Variants in OR4N5 observed in about 807,000 individuals in gnomAD.
OR4N5 encodes the protein olfactory receptor 4N5.
For synonymous variants in OR4N5, 155 were observed against 140.6 expected, an observed-to-expected ratio of 1.10 and a Z score of -0.72; for missense variants, 428 against 370.0, an observed-to-expected ratio of 1.16 and a Z score of -1.29.
chr14:20,141,539 T>C (rs1333255039), intron 2 of OR4N5, among the ~76,000 whole-genome samples: 1 of 152,184 alleles, frequency 6.6e-6, no homozygotes, highest in East Asian at 1.9e-4. Context: ...TTCCTAATAG[T>C]CGTGCTGTAA....
chr14:20,144,161 T>C lies in OR4N5; in HGVS notation c.426T>C (p.Tyr142=), dbSNP rs142302477. The C allele has an allele frequency of 2.8e-5, 45 of 1,614,154 alleles. No individual in the cohort carries two copies. In the African/African-American group the frequency reaches 3.6e-4, roughly 13 times the overall value. The part of the protein sequence containing the change: ...YSTIMNPRAC[Y]ALSLVLWLGG... ...CCATCATGAACCCTAGAGCCTGCTA[T>C]GCATTATCGTTGGTTCTGTGGCTTG... The change falls in exon 3 of 3, where the codon TAT becomes TAC. Residue 142 remains tyrosine, a synonymous_variant. Transcript: ENST00000641086.
rs185020945 is a variant in OR4N5, at chr14:20,140,634, C to A, written c.-380-209C>A. On this transcript the variant is annotated intron_variant, in intron 1 of 2. Transcript: ENST00000641086. ...GCTGTTGTGCGGGACAGTATGGGGA[C>A]CCTCTCCACTTATGCATCTTCAGTG... Among the ~76,000 whole-genome samples the A allele has an allele frequency of 3.5e-3, 540 of 152,244 alleles. 2 individuals carry two copies. The highest frequency in any genetic ancestry group is 5.1e-3 in the Non-Finnish European group (345 of 68,010).
chr14:20,144,190 G>A lies in OR4N5; in HGVS notation c.455G>A (p.Gly152Asp), dbSNP rs1878682584. Residue 152 changes from glycine (G) to aspartate (D), a missense_variant, in exon 3 of 3, where the codon GGC (glycine) becomes GAC (aspartate). Physicochemically the swap from Gly to Asp is moderately conservative, Grantham distance 94 (BLOSUM62 -1). Coordinates refer to ENST00000641086, the MANE Select transcript of OR4N5 (RefSeq NM_001004724.2). ...TTATCGTTGGTTCTGTGGCTTGGGGGCTTTATCCATTCCATTGTACAAGTA... is the reference window on the plus strand; with the variant it reads ...TTATCGTTGGTTCTGTGGCTTGGGGACTTTATCCATTCCATTGTACAAGTA... ...YALSLVLWLG[G>D]FIHSIVQVAL... 4.3e-6 allele frequency: 7 copies of A among 1,613,956 alleles called. No homozygotes were observed. Among genetic ancestry groups the A allele is most frequent in the Non-Finnish European group, 5.1e-6 (6 of 1,179,996 alleles).
rs971447244 is a variant in OR4N5 at position 20,140,849 on chromosome 14, A to C, written c.-374A>C. The C allele has an allele frequency of 4.6e-5, 7 of 151,620 alleles. No homozygotes were observed. Among genetic ancestry groups the C allele is most frequent in the Non-Finnish European group, 1.0e-4 (7 of 67,930 alleles). 9.4% of individuals were successfully genotyped at this position (151,620 alleles called of 1,614,324 possible). A position where few individuals can be genotyped will look rare whatever the true frequency, so the allele number is the denominator to read the frequency against. On this transcript the variant is annotated 5_prime_UTR_variant, in exon 2 of 3. Coordinates refer to ENST00000641086, the MANE Select transcript of OR4N5 (RefSeq NM_001004724.2). Reference sequence around the variant, plus strand: ...CTTTGTCTTATCTGACTAGAACAAGAAGTTTGCCCCTGTGAGATCCATTGT... The same window carrying C: ...CTTTGTCTTATCTGACTAGAACAAGCAGTTTGCCCCTGTGAGATCCATTGT...
chr14:20,144,205 T>C lies in OR4N5; in HGVS notation c.470T>C (p.Ile157Thr), dbSNP rs748001755. ...TGGCTTGGGGGCTTTATCCATTCCA[T>C]TGTACAAGTAGCCCTTATCCTGCAC... ...VLWLGGFIHS[I>T]VQVALILHLP... The change falls in exon 3 of 3, where the codon ATT (isoleucine) becomes ACT (threonine). Residue 157 changes from isoleucine (I) to threonine (T), a missense_variant. Physicochemically the swap from Ile to Thr is moderately conservative, Grantham distance 89 (BLOSUM62 -1). Coordinates refer to ENST00000641086, the MANE Select transcript of OR4N5 (RefSeq NM_001004724.2). The C allele has an allele frequency of 6.2e-7, 1 of 1,614,096 alleles. No homozygotes were observed. The highest frequency in any genetic ancestry group is 1.1e-5 in the South Asian group (1 of 91,078).
chr14:20,143,698 A>G (rs368666584), intron 2 of OR4N5, 27 bp from the exon 3 acceptor site: 30 of 1,429,820 alleles, frequency 2.1e-5, no homozygotes, highest in Non-Finnish European at 1.7e-5. Context: ...TATAACAGAT[A>G]ACAATTTGCC....
rs1327200649 is a variant in OR4N5 at position 20,141,177 on chromosome 14, A to C, written c.-46A>C. The C allele has an allele frequency of 6.6e-6, 1 of 152,154 alleles. No homozygotes were observed. Among genetic ancestry groups the C allele is most frequent in the Non-Finnish European group, 1.5e-5 (1 of 68,030 alleles). 9.4% of individuals were successfully genotyped at this position (152,154 alleles called of 1,614,324 possible). On this transcript the variant is annotated 5_prime_UTR_variant, in exon 2 of 3. It removes the in-frame stop codon of an upstream open reading frame in the 5' UTR. Coordinates refer to ENST00000641086, the MANE Select transcript of OR4N5 (RefSeq NM_001004724.2). ...CCTCAACCTGGAGAAGCATGAGATA[A>C]CTAACTATAATTGAACATCTGGAAT...
intron 2 of OR4N5, among the ~76,000 whole-genome samples, chr14:20,142,467 T>C (rs1231227633): frequency 6.6e-6 from 1 of 152,190 alleles, no homozygotes; most frequent in Non-Finnish European, 1.5e-5. Flanking sequence ...AGTTCCATTA[T>C]TTTTATGCAT....
At chr14:20,140,355 A>G (rs962763734) in intron 1 of OR4N5, among the ~76,000 whole-genome samples, 3 of 152,216 alleles carry the variant, frequency 2.0e-5, no homozygotes, top group Non-Finnish European at 4.4e-5. Context: ...AACAGGAAAC[A>G]GAAGCTAAAA....
At position 20,144,158 on chromosome 14, in the gene OR4N5, C is replaced by T. The variant is rs372623364; in HGVS notation, c.423C>T (p.Cys141=). The change falls in exon 3 of 3, where the codon TGC becomes TGT. Residue 141 remains cysteine (C), a synonymous_variant. Transcript: ENST00000641086. ...HYSTIMNPRA[C]YALSLVLWLG... Reference sequence around the variant, plus strand: ...CAACCATCATGAACCCTAGAGCCTGCTATGCATTATCGTTGGTTCTGTGGC... The same window carrying T: ...CAACCATCATGAACCCTAGAGCCTGTTATGCATTATCGTTGGTTCTGTGGC... The T allele has an allele frequency of 2.5e-5, 40 of 1,614,020 alleles. No individual in the cohort carries two copies. In the Middle Eastern group the frequency reaches 1.8e-3, roughly 73 times the overall value.
rs1280981757 is a variant in OR4N5 at position 20,143,961 on chromosome 14, A to G, written c.226A>G (p.Ile76Val). 3 of 1,613,824 alleles carry G rather than the reference A, an allele frequency of 1.9e-6. No homozygotes were observed. The highest frequency in any genetic ancestry group is 2.7e-5 in the African/African-American group (2 of 74,874). The part of the protein sequence containing the change: ...LALLDASYSF[I>V]VVPRMLVDFL... ...CTTACTGGATGCATCCTACTCCTTC[A>G]TTGTGGTTCCCAGGATGTTGGTGGA... The change falls in exon 3 of 3, where the codon ATT (isoleucine) becomes GTT (valine). Residue 76 changes from isoleucine to valine, a missense_variant. Transcript: ENST00000641086.
At chr14:20,143,062 T>G (rs1438828326) in intron 2 of OR4N5, among the ~76,000 whole-genome samples, 1 of 152,204 alleles carries the variant, frequency 6.6e-6, no homozygotes. Flanking sequence ...TAGAGCAGAT[T>G]CAGAGTGGTA....
At chr14:20,139,593 T>C (rs1037360037) in intron 1 of OR4N5, among the ~76,000 whole-genome samples, 1 of 152,150 alleles carries the variant, frequency 6.6e-6, no homozygotes, top group Non-Finnish European at 1.5e-5. Flanking sequence ...AAAAGATCTA[T>C]TGACATGGTA....
chr14:20,143,906 C>T lies in OR4N5; in HGVS notation c.171C>T (p.Ala57=), dbSNP rs764195292. 1.2e-6 allele frequency: 2 copies of T among 1,614,000 alleles called. No homozygotes were observed. The highest frequency in any genetic ancestry group is 1.7e-6 in the Non-Finnish European group (2 of 1,179,956). ...FTIKSDPGLT[A]PLYFFLGNLA... Reference sequence around the variant, plus strand: ...TAAAGTCAGACCCTGGGCTCACAGCCCCCCTCTATTTCTTTCTGGGCAACT... The same window carrying T: ...TAAAGTCAGACCCTGGGCTCACAGCTCCCCTCTATTTCTTTCTGGGCAACT... The change falls in exon 3 of 3, where the codon GCC becomes GCT. Residue 57 remains alanine (A), a synonymous_variant. Coordinates refer to ENST00000641086, the MANE Select transcript of OR4N5 (RefSeq NM_001004724.2).
At chr14:20,142,048 A>G (rs1007797097) in intron 2 of OR4N5, among the ~76,000 whole-genome samples, 4 of 152,202 alleles carry the variant, frequency 2.6e-5, no homozygotes, top group Non-Finnish European at 4.4e-5. Flanking sequence ...CATGCATGGT[A>G]TCATCGTATG....
rs1382228920 is a variant in OR4N5, at chr14:20,143,798, A to G, written c.63A>G (p.Gln21=). Residue 21 remains glutamine, a synonymous_variant, in exon 3 of 3, where the codon CAA becomes CAG. Transcript: ENST00000641086. ...TTCTTCTTGGTCTGACCCAGTCTCA[A>G]GATGCTCAACTTCTGGTCTTTGTGC... ...EFILLGLTQS[Q]DAQLLVFVLV... is the part of the protein sequence containing the mutation. 2 of 1,613,974 alleles carry G rather than the reference A, an allele frequency of 1.2e-6. No individual in the cohort carries two copies. Among genetic ancestry groups the G allele is most frequent in the East Asian group, 2.2e-5 (1 of 44,884 alleles).
At chr14:20,141,913 C>A (rs1254866990) in intron 2 of OR4N5, among the ~76,000 whole-genome samples, 1 of 152,048 alleles carries the variant, frequency 6.6e-6, no homozygotes, top group Non-Finnish European at 1.5e-5. Flanking sequence ...GTATCCACAG[C>A]ACTTTTGAAA....
At chr14:20,142,828 T>G (rs934107994) in intron 2 of OR4N5, among the ~76,000 whole-genome samples, 1 of 152,214 alleles carries the variant, frequency 6.6e-6, no homozygotes, top group Admixed American at 6.5e-5. Flanking sequence ...TACATCAGAT[T>G]ATATGTTCTG....
At position 20,144,673 on chromosome 14, in the gene OR4N5, G is replaced by A; in HGVS notation, c.*11G>A. The A allele has an allele frequency of 6.4e-7, 1 of 1,563,160 alleles. No individual in the cohort carries two copies. The highest frequency in any genetic ancestry group is 8.7e-7 in the Non-Finnish European group (1 of 1,150,632). ...CATATGTTTTGCTGAATAGAAGAAA[G>A]AGAAAAGCAAGAACGGAGAAAGTCC... On this transcript the variant is annotated 3_prime_UTR_variant, in exon 3 of 3. Transcript: ENST00000641086.
Sources: gnomAD v4.1 joint callset for allele counts (sites outside exome capture counted in the v4.1 genomes callset) on GRCh38, gnomAD v4.1.1 for gene constraint, MANE v1.5 for transcripts, NCBI Gene and HGNC (gene_info 2026-07-23, HGNC 2026-07-21) for gene names.